C1QTNF7: variants seen among roughly 807,000 people sequenced by gnomAD.
C1QTNF7 encodes complement C1q tumor necrosis factor-related protein 7.
In C1QTNF7, 15 loss-of-function variants were observed where a neutral mutation model predicts 19.6. The ratio of observed to expected loss-of-function variants is 0.76; its 90% CI spans 0.51 to 1.18. C1QTNF7 has a LOEUF of 1.18. Ranked by LOEUF, C1QTNF7 falls within the 50% of genes most tolerant of loss-of-function variation. C1QTNF7 has a pLI of 0.00. For missense variants in C1QTNF7, 324 were observed against 359.7 expected, an observed-to-expected ratio of 0.90 and a Z score of 0.80; for synonymous variants, 142 against 137.5, an observed-to-expected ratio of 1.03 and a Z score of -0.23.
At chr4:15,359,687 A>T (rs1717269907) in intron 1 of C1QTNF7, among the ~76,000 whole-genome samples, 1 of 152,180 alleles carries the variant, frequency 6.6e-6, no homozygotes, top group Non-Finnish European at 1.5e-5. Flanking sequence ...TTAAAATTTT[A>T]GCATTGACGG....
At chr4:15,407,980 G>C (rs1459463306) in intron 1 of C1QTNF7, among the ~76,000 whole-genome samples, 1 of 152,088 alleles carries the variant, frequency 6.6e-6, no homozygotes, top group Non-Finnish European at 1.5e-5. Flanking sequence ...ATACAGATAA[G>C]AAAGTAGGCC....
At chr4:15,367,257 G>C (rs1249262018) in intron 1 of C1QTNF7, among the ~76,000 whole-genome samples, 2 of 152,160 alleles carry the variant, frequency 1.3e-5, no homozygotes, top group Non-Finnish European at 2.9e-5. Flanking sequence ...ATACTTTTGA[G>C]AGTGATATGA....
intron 1 of C1QTNF7, among the ~76,000 whole-genome samples, chr4:15,377,293 G>A (rs934786400): frequency 6.6e-6 from 1 of 152,038 alleles, no homozygotes; most frequent in African/African-American, 2.4e-5. Flanking sequence ...ACTATTTCAG[G>A]GTTATTTCCT....
chr4:15,422,208 TTTA>T (rs1014531315), intron 1 of C1QTNF7, among the ~76,000 whole-genome samples: 9 of 41,320 alleles, frequency 2.2e-4, no homozygotes, highest in Admixed American at 5.4e-4. Flanking sequence ...CCTGTTTTTT[TTTA>T]AAAAAAAAAA....
At chr4:15,367,431 A>G (rs944805685) in intron 1 of C1QTNF7, among the ~76,000 whole-genome samples, 16 of 152,268 alleles carry the variant, frequency 1.1e-4, no homozygotes, top group African/African-American at 3.4e-4. Flanking sequence ...AATTTTCATC[A>G]TTACCCAGTA....
At chr4:15,406,805 T>A (rs1560359038) in intron 1 of C1QTNF7, among the ~76,000 whole-genome samples, 1 of 152,178 alleles carries the variant, frequency 6.6e-6, no homozygotes, top group East Asian at 1.9e-4. Flanking sequence ...ATAGTTCAAT[T>A]TTATTAAATC....
In C1QTNF7 at chr4:15,347,171, G is replaced by A. The variant is rs1023159595; in HGVS notation, c.13+6964G>A. 9.9e-5 allele frequency among the ~76,000 whole-genome samples: 15 copies of A among 152,072 alleles called. No homozygotes were observed. In the East Asian group the frequency reaches 2.7e-3, roughly 27 times the overall value. On this transcript the variant is annotated intron_variant, in intron 1 of 2. Coordinates refer to the C1QTNF7 transcript ENST00000295297. ...TCATTGTCCTCCTGTTTGTCCTTGG[G>A]GCTGAGATGGAATGGTGCCCAAATA...
chr4:15,378,338 C>T (rs531630234), intron 1 of C1QTNF7, among the ~76,000 whole-genome samples: 1 of 152,294 alleles, frequency 6.6e-6, no homozygotes, highest in Non-Finnish European at 1.5e-5. Flanking sequence ...ATCTATGGGG[C>T]TTCTCTAGAC....
At chr4:15,421,411 T>C (rs1333025030) in intron 1 of C1QTNF7, among the ~76,000 whole-genome samples, 1 of 152,100 alleles carries the variant, frequency 6.6e-6, no homozygotes, top group Non-Finnish European at 1.5e-5. Flanking sequence ...GAACCCAGGA[T>C]AGTCAATGGC....
At chr4:15,379,825 C>A (rs944571123) in intron 1 of C1QTNF7, among the ~76,000 whole-genome samples, 4 of 152,156 alleles carry the variant, frequency 2.6e-5, no homozygotes, top group African/African-American at 7.2e-5. Context: ...TGAAAAGAGA[C>A]AAAATGATTC....
intron 1 of C1QTNF7, among the ~76,000 whole-genome samples, chr4:15,361,617 C>G (rs1717346064): frequency 6.6e-6 from 1 of 152,128 alleles, no homozygotes; most frequent in Non-Finnish European, 1.5e-5. Context: ...AATATTTCAG[C>G]CAGACATTCA....
intron 1 of C1QTNF7, among the ~76,000 whole-genome samples, chr4:15,364,374 C>G (rs1239489184): frequency 6.6e-6 from 1 of 152,136 alleles, no homozygotes; most frequent in Non-Finnish European, 1.5e-5. Context: ...TTTCACAGCT[C>G]TAATGAGTGA....
chr4:15,371,687 C>T (rs374429647), intron 1 of C1QTNF7, among the ~76,000 whole-genome samples: 6 of 152,154 alleles, frequency 3.9e-5, no homozygotes, highest in Non-Finnish European at 5.9e-5. Flanking sequence ...AGCAAGGGTG[C>T]GGAGGGTCAG....
intron 1 of C1QTNF7, among the ~76,000 whole-genome samples, chr4:15,428,397 GT>G (rs887479113): frequency 2.6e-5 from 4 of 151,840 alleles, no homozygotes; most frequent in African/African-American, 9.7e-5. Flanking sequence ...AAATGTCAGG[GT>G]TTTTTTTAAT....
In C1QTNF7 at chr4:15,350,107, G is replaced by A. The variant is rs188528971; in HGVS notation, c.13+9900G>A. Among the ~76,000 whole-genome samples the A allele has an allele frequency of 1.0e-3, 122 of 117,742 alleles. 1 individual carries two copies. Among genetic ancestry groups the A allele is most frequent in the African/African-American group, 4.0e-3 (117 of 28,918 alleles). The allele number at this position is 117,742 out of a possible 152,430, so 77.2% of individuals were successfully genotyped here. On this transcript the variant is annotated intron_variant, in intron 1 of 2. Coordinates refer to the C1QTNF7 transcript ENST00000295297. ...GAAGGGAGGGAGGGAGAGAGGAAGG[G>A]AGGCAGGCAGGCAAGCAGGAAAGAA...
intron 1 of C1QTNF7, among the ~76,000 whole-genome samples, chr4:15,350,330 A>AGAAGGGAGGAAGGAAGGGAAGAAGGAAG (rs1553884473): frequency 2.3e-5 from 1 of 44,394 alleles, no homozygotes; most frequent in African/African-American, 1.1e-4. Flanking sequence ...GAAGGAGGAA[A>AGAAGGGAGGAAGGAAGGGAAGAAGGAAG]GAAAGGAGGG....
At chr4:15,383,746 G>C (rs915596202) in intron 1 of C1QTNF7, among the ~76,000 whole-genome samples, 2 of 152,196 alleles carry the variant, frequency 1.3e-5, no homozygotes, top group African/African-American at 4.8e-5. Context: ...TAGTATCTTT[G>C]GAAAGGGCTG....
intron 1 of C1QTNF7, among the ~76,000 whole-genome samples, chr4:15,402,876 C>T (rs1246236470): frequency 6.6e-6 from 1 of 152,044 alleles, no homozygotes; most frequent in African/African-American, 2.4e-5. Flanking sequence ...TTATATCCAG[C>T]AAGGCTTCTG....
chr4:15,417,759 T>A (rs1001546659), intron 1 of C1QTNF7, among the ~76,000 whole-genome samples: 1 of 152,080 alleles, frequency 6.6e-6, no homozygotes, highest in African/African-American at 2.4e-5. Context: ...GAGGTTTAAT[T>A]GGCTCACAGT....
Sources: gnomAD v4.1 joint callset for allele counts (sites outside exome capture counted in the v4.1 genomes callset) on GRCh38, gnomAD v4.1.1 for gene constraint, MANE v1.5 for transcripts, NCBI Gene and HGNC (gene_info 2026-07-23, HGNC 2026-07-21) for gene names.